LINGO2: variants seen among roughly 807,000 people sequenced by gnomAD.
LINGO2 encodes leucine rich repeat and Ig domain containing 2.
LINGO2 carries 14 observed loss-of-function variants against 30.6 expected under a neutral mutation model. The observed-to-expected ratio is 0.46, with a 90% confidence interval of 0.30 to 0.72. The LOEUF (loss-of-function observed/expected upper bound fraction) is 0.72. LINGO2 is among the 30% of genes least tolerant of loss of function. The pLI is 0.07. For synonymous variants in LINGO2, 317 were observed against 288.5 expected, an observed-to-expected ratio of 1.10 and a Z score of -1.00; for missense variants, 729 against 751.7, an observed-to-expected ratio of 0.97 and a Z score of 0.35.
At chr9:28,623,577 A>T (rs1587976681) in intron 1 of LINGO2, among the ~76,000 whole-genome samples, 1 of 152,066 alleles carries the variant, frequency 6.6e-6, no homozygotes, top group Non-Finnish European at 1.5e-5. Flanking sequence ...TGTCAGTACC[A>T]TGCTGTTTTG....
At chr9:28,811,052 C>T in the LINGO2 span, among the ~76,000 whole-genome samples, 1 of 152,126 alleles carries the variant, frequency 6.6e-6, no homozygotes, top group East Asian at 1.9e-4. Context: ...GTATTTCAAA[C>T]TTAATTTCAA....
the LINGO2 span, among the ~76,000 whole-genome samples, chr9:28,761,271 C>T: frequency 2.0e-5 from 3 of 151,896 alleles, no homozygotes; most frequent in East Asian, 3.9e-4. Context: ...CTTTCTCAAG[C>T]AAAATTATCG....
the LINGO2 span, among the ~76,000 whole-genome samples, chr9:29,039,327 G>A: frequency 6.6e-6 from 1 of 152,118 alleles, no homozygotes; most frequent in Non-Finnish European, 1.5e-5. Context: ...ATATGCATAA[G>A]TCTACTGAGG....
At chr9:28,292,363 G>A (rs753066558) in intron 4 of LINGO2, among the ~76,000 whole-genome samples, 5 of 152,154 alleles carry the variant, frequency 3.3e-5, no homozygotes, top group Non-Finnish European at 7.4e-5. Flanking sequence ...ATTTCCAACA[G>A]TCTGAGGATT....
the LINGO2 span, among the ~76,000 whole-genome samples, chr9:29,117,629 G>A: frequency 6.6e-6 from 1 of 152,262 alleles, no homozygotes; most frequent in African/African-American, 2.4e-5. Flanking sequence ...CACCAGCCAA[G>A]AGCAATTTTC....
At chr9:27,999,830 CAT>C (rs1462673450) in intron 5 of LINGO2, among the ~76,000 whole-genome samples, 2 of 151,414 alleles carry the variant, frequency 1.3e-5, no homozygotes, top group Non-Finnish European at 2.9e-5. Context: ...AAAAATCGTA[CAT>C]GTATTAATGG....
the LINGO2 span, among the ~76,000 whole-genome samples, chr9:28,691,907 C>T: frequency 6.6e-6 from 1 of 151,986 alleles, no homozygotes; most frequent in Admixed American, 6.6e-5. Flanking sequence ...GTTATTAACT[C>T]CATATAACAA....
the LINGO2 span, among the ~76,000 whole-genome samples, chr9:29,212,621 TA>T: frequency 0.08 from 12,155 of 151,698 alleles, 505 homozygotes; most frequent in Middle Eastern, 0.093. Context: ...ACCTCTCTGG[TA>T]AAAAAACGAA....
At chr9:29,036,033 G>C in the LINGO2 span, among the ~76,000 whole-genome samples, 3 of 151,968 alleles carry the variant, frequency 2.0e-5, no homozygotes, top group East Asian at 3.9e-4. Flanking sequence ...AGAATGGTGG[G>C]GATAGTTTAC....
At chr9:29,194,453 C>G in the LINGO2 span, among the ~76,000 whole-genome samples, 1 of 152,194 alleles carries the variant, frequency 6.6e-6, no homozygotes, top group Non-Finnish European at 1.5e-5. Flanking sequence ...ACCAGGACAT[C>G]CTGTTCCCCG....
At chr9:28,010,890 C>G (rs917395077) in intron 5 of LINGO2, among the ~76,000 whole-genome samples, 3 of 152,098 alleles carry the variant, frequency 2.0e-5, no homozygotes, top group Non-Finnish European at 2.9e-5. Context: ...CCCAAGAGTT[C>G]GAGGCTGCAG....
chr9:28,630,992 T>C (rs955394931), intron 1 of LINGO2, among the ~76,000 whole-genome samples: 3 of 151,994 alleles, frequency 2.0e-5, no homozygotes, highest in African/African-American at 4.8e-5. Flanking sequence ...GATGTTACCA[T>C]TGGAGAAAAC....
In LINGO2 at chr9:28,519,350, T is replaced by C. The variant is rs562658920; in HGVS notation, c.-364-43325A>G. 2.6e-5 allele frequency among the ~76,000 whole-genome samples: 4 copies of C among 152,240 alleles called. No homozygotes were observed. The South Asian group carries it at 8.3e-4, about 32-fold the overall frequency. On this transcript the variant is annotated intron_variant, in intron 1 of 5. Coordinates refer to ENST00000379992, the Ensembl canonical transcript of LINGO2. ...GCACTTGGTCACACAAGATCTTGTA[T>C]TTTTCTCTTTTATTGTCTTCATCTC... is the stretch of plus-strand genomic sequence containing the variant.
At chr9:28,753,617 A>T in the LINGO2 span, among the ~76,000 whole-genome samples, 1 of 152,064 alleles carries the variant, frequency 6.6e-6, no homozygotes, top group Non-Finnish European at 1.5e-5. Flanking sequence ...TATTTAATTA[A>T]CCCGAAACAA....
intron 2 of LINGO2, among the ~76,000 whole-genome samples, chr9:28,439,158 T>C (rs1256023692): frequency 6.7e-6 from 1 of 148,892 alleles, no homozygotes; most frequent in Non-Finnish European, 1.5e-5. Flanking sequence ...ACAGATAATA[T>C]ATATTTACAC....
chr9:28,298,060 A>G (rs1364595071), intron 3 of LINGO2, among the ~76,000 whole-genome samples: 2 of 152,216 alleles, frequency 1.3e-5, no homozygotes, highest in African/African-American at 4.8e-5. Context: ...AGAAGTACCA[A>G]TTCCATGACA....
chr9:29,179,492 T>C, the LINGO2 span, among the ~76,000 whole-genome samples: 1 of 151,870 alleles, frequency 6.6e-6, no homozygotes, highest in East Asian at 1.9e-4. Flanking sequence ...GCAACCTCCG[T>C]TTCCAGGGTT....
chr9:29,021,072 G>C, the LINGO2 span, among the ~76,000 whole-genome samples: 1 of 152,058 alleles, frequency 6.6e-6, no homozygotes, highest in South Asian at 2.1e-4. Context: ...AATCAGAAAC[G>C]ATTACTGTAT....
At chr9:28,767,422 A>C in the LINGO2 span, among the ~76,000 whole-genome samples, 2 of 152,156 alleles carry the variant, frequency 1.3e-5, no homozygotes, top group Non-Finnish European at 2.9e-5. Flanking sequence ...ACTTCCTTGA[A>C]TCATTTTCTG....
Sources: gnomAD v4.1 joint callset for allele counts (sites outside exome capture counted in the v4.1 genomes callset) on GRCh38, gnomAD v4.1.1 for gene constraint, MANE v1.5 for transcripts, NCBI Gene and HGNC (gene_info 2026-07-23, HGNC 2026-07-21) for gene names.